Variants in HS2ST1 observed in about 807,000 individuals in gnomAD.
The protein encoded by HS2ST1 is 2-O-sulfotransferase.
In HS2ST1, 18 loss-of-function variants were observed where a neutral mutation model predicts 42.9. That is an observed-to-expected ratio of 0.42 (90% CI 0.29 to 0.62). The LOEUF is 0.62. Ranked by LOEUF, HS2ST1 falls within the 20% of genes least tolerant of loss-of-function variation. HS2ST1 has a pLI of 0.21. For synonymous variants in HS2ST1, 146 were observed against 152.9 expected (o/e 0.95, Z 0.33); for missense variants, 334 against 433.8 (o/e 0.77, Z 2.04).
At chr1:86,968,061 G>A (rs1352200142) in intron 1 of HS2ST1, among the ~76,000 whole-genome samples, 2 of 152,096 alleles carry the variant, frequency 1.3e-5, no homozygotes, top group African/African-American at 4.8e-5. Flanking sequence ...GTTGAGCAGC[G>A]TTTCATATGT....
chr1:86,917,583 G>A (rs1337599918), intron 1 of HS2ST1, among the ~76,000 whole-genome samples: 1 of 151,950 alleles, frequency 6.6e-6, no homozygotes, highest in African/African-American at 2.4e-5. Flanking sequence ...GGCTTAGAGA[G>A]GTTATATAAC....
chr1:87,045,729 A>T (rs1054474130), intron 1 of HS2ST1: 2 of 893,930 alleles, frequency 2.2e-6, no homozygotes, highest in Non-Finnish European at 3.8e-6. Flanking sequence ...TTTGATATCA[A>T]ATCTACTCTT....
chr1:87,039,905 G>A (rs1204604085), intron 1 of HS2ST1, among the ~76,000 whole-genome samples: 1 of 152,202 alleles, frequency 6.6e-6, no homozygotes, highest in Non-Finnish European at 1.5e-5. Flanking sequence ...TGGAGTGACA[G>A]TATTCAATGC....
intron 1 of HS2ST1, among the ~76,000 whole-genome samples, chr1:86,941,799 A>G (rs973052249): frequency 1.3e-5 from 2 of 152,116 alleles, no homozygotes; most frequent in Non-Finnish European, 2.9e-5. Flanking sequence ...AAAAAACTAC[A>G]GCTATATCAA....
intron 3 of HS2ST1, among the ~76,000 whole-genome samples, chr1:87,088,052 G>A (rs1246116822): frequency 6.6e-6 from 1 of 152,124 alleles, no homozygotes; most frequent in Non-Finnish European, 1.5e-5. Context: ...GGAGCACTTA[G>A]TTCTGTGCCT....
intron 1 of HS2ST1, among the ~76,000 whole-genome samples, chr1:87,058,695 T>C (rs1651038821): frequency 6.6e-6 from 1 of 151,640 alleles, no homozygotes; most frequent in South Asian, 2.1e-4. Context: ...GTAATTCATA[T>C]CTCTGAGTCT....
chr1:87,034,255 G>A (rs1277274049), intron 1 of HS2ST1, among the ~76,000 whole-genome samples: 1 of 152,208 alleles, frequency 6.6e-6, no homozygotes, highest in South Asian at 2.1e-4. Flanking sequence ...CTTTTACATT[G>A]CAAATATAAT....
At position 86,996,478 on chromosome 1, in the gene HS2ST1, G is replaced by A. The variant is rs933869294; in HGVS notation, c.125-76456G>A. 3.3e-5 allele frequency among the ~76,000 whole-genome samples: 5 copies of A among 149,572 alleles called. No individual in the cohort carries two copies. In the South Asian group the frequency reaches 1.1e-3, roughly 32 times the overall value. On this transcript the variant is annotated intron_variant, in intron 1 of 6. Coordinates refer to ENST00000370550, the MANE Select transcript of HS2ST1 (RefSeq NM_012262.4). Reference sequence around the variant, plus strand: ...AAAAAAAAAAAGTAACAGAAGTATGGCCATAGACTGCCTTTCATAAGTATT... The same window carrying A: ...AAAAAAAAAAAGTAACAGAAGTATGACCATAGACTGCCTTTCATAAGTATT...
chr1:86,981,395 CATT>C (rs1469689490), intron 1 of HS2ST1, among the ~76,000 whole-genome samples: 6 of 152,214 alleles, frequency 3.9e-5, no homozygotes. Context: ...CTCATTCTAA[CATT>C]AACCCAAAAG....
intron 1 of HS2ST1, among the ~76,000 whole-genome samples, chr1:86,929,984 G>A (rs1443557197): frequency 2.0e-5 from 3 of 151,742 alleles, no homozygotes; most frequent in African/African-American, 7.2e-5. Flanking sequence ...ATCTTACACA[G>A]CTTCAAACAC....
chr1:87,043,840 G>A (rs560896780), intron 1 of HS2ST1, among the ~76,000 whole-genome samples: 12 of 151,956 alleles, frequency 7.9e-5, no homozygotes, highest in Non-Finnish European at 1.8e-4. Flanking sequence ...TTAATATTTA[G>A]TTGGGTGACT....
chr1:86,989,078 C>G (rs1002506628), intron 1 of HS2ST1, among the ~76,000 whole-genome samples: 1 of 152,110 alleles, frequency 6.6e-6, no homozygotes, highest in African/African-American at 2.4e-5. Flanking sequence ...AGGCAGACAC[C>G]CTTAAAAATG....
At chr1:86,992,742 G>A (rs984059836) in intron 1 of HS2ST1, among the ~76,000 whole-genome samples, 11 of 152,154 alleles carry the variant, frequency 7.2e-5, no homozygotes, top group East Asian at 3.8e-4. Context: ...ATTGGCTGGG[G>A]CCCTTTACAA....
intron 1 of HS2ST1, among the ~76,000 whole-genome samples, chr1:86,921,092 A>G (rs966113416): frequency 3.4e-5 from 3 of 89,426 alleles, no homozygotes; most frequent in African/African-American, 6.4e-5. Context: ...AATTACAAAT[A>G]AAAAAAAACT....
intron 1 of HS2ST1, among the ~76,000 whole-genome samples, chr1:86,964,428 G>A (rs1185143668): frequency 6.6e-6 from 1 of 152,226 alleles, no homozygotes; most frequent in Non-Finnish European, 1.5e-5. Context: ...TCACGGTTAG[G>A]AGCTGGAGAC....
chr1:86,929,518 G>A (rs1030888102), intron 1 of HS2ST1, among the ~76,000 whole-genome samples: 15 of 151,682 alleles, frequency 9.9e-5, no homozygotes, highest in Non-Finnish European at 5.9e-5. Flanking sequence ...GCTTTTTGAT[G>A]TTACTGGACT....
intron 1 of HS2ST1, among the ~76,000 whole-genome samples, chr1:87,068,839 T>G (rs569417648): frequency 1.5e-4 from 23 of 152,274 alleles, no homozygotes; most frequent in Non-Finnish European, 2.5e-4. Context: ...ATAGAAAATA[T>G]GTATTTTTTA....
At chr1:87,103,676 T>C in intron 6 of HS2ST1, 87 bp downstream of exon 6, 1 of 1,133,748 alleles carries the variant, frequency 8.8e-7, no homozygotes, top group African/African-American at 1.6e-5. Context: ...TGAAGTTTCT[T>C]CAGTGAAACA....
intron 1 of HS2ST1, among the ~76,000 whole-genome samples, chr1:86,991,907 A>G (rs1648961908): frequency 6.6e-6 from 1 of 151,894 alleles, no homozygotes; most frequent in Non-Finnish European, 1.5e-5. Flanking sequence ...TGGCTTAAAT[A>G]TACTTTAAGC....
Sources: gnomAD v4.1 joint callset for allele counts (sites outside exome capture counted in the v4.1 genomes callset) on GRCh38, gnomAD v4.1.1 for gene constraint, MANE v1.5 for transcripts, NCBI Gene and HGNC (gene_info 2026-07-23, HGNC 2026-07-21) for gene names.